The following FBLN1 variants were observed in gnomAD, a reference collection of about 807,000 sequenced individuals.
The protein encoded by FBLN1 is fibulin-1.
A neutral mutation model predicts 89.7 loss-of-function variants in FBLN1; 34 were observed. The ratio of observed to expected loss-of-function variants is 0.38; its 90% confidence interval spans 0.29 to 0.50. FBLN1 has a LOEUF of 0.50. Among genes scored for constraint, FBLN1 ranks in the 20% least tolerant of loss-of-function variants. FBLN1 has a pLI of 0.92. For missense variants in FBLN1, 777 were observed against 988.1 expected (o/e 0.79, Z 2.86); for synonymous variants, 393 against 391.3 (o/e 1.00, Z -0.05).
rs2088315046 is a variant in FBLN1, at chr22:45,525,545, T to C, written c.188T>C (p.Met63Thr). 1.3e-6 allele frequency: 2 copies of C among 1,549,028 alleles called. No homozygotes were observed. The highest frequency in any genetic ancestry group is 1.4e-5 in the African/African-American group (1 of 72,974). Reference protein sequence around the residue: ...PYATESKECRMVQEQCCHSQL... With the variant: ...PYATESKECRTVQEQCCHSQL... ...CCCAGCCCACCCCTCACCCACAGGA[T>C]GGTGCAGGAGCAGTGCTGCCACAGC... Residue 63 changes from methionine to threonine, a missense_variant and splice_region_variant, in exon 3 of 17, where the codon ATG (methionine) becomes ACG (threonine). Coordinates refer to ENST00000327858, the MANE Select transcript of FBLN1 (RefSeq NM_006486.3).
At chr22:45,565,306 T>G in intron 14 of FBLN1, 1 of 1,276,222 alleles carries the variant, frequency 7.8e-7, no homozygotes, top group Non-Finnish European at 1.0e-6. Flanking sequence ...CCTGGCCTGA[T>G]CTGGCCTCTG....
At chr22:45,524,039 C>A (rs528969687) in intron 2 of FBLN1, among the ~76,000 whole-genome samples, 11 of 152,344 alleles carry the variant, frequency 7.2e-5, no homozygotes, top group African/African-American at 2.6e-4. Flanking sequence ...TTTGCAAATC[C>A]ACCGAAAGCA....
chr22:45,510,646 G>C (rs2088086773), intron 1 of FBLN1, among the ~76,000 whole-genome samples: 1 of 152,122 alleles, frequency 6.6e-6, no homozygotes, highest in African/African-American at 2.4e-5. Context: ...CATTCTGGAA[G>C]CTTCCACCCA....
intron 13 of FBLN1, 133 bp downstream of exon 13, chr22:45,548,877 A>G: frequency 7.1e-7 from 1 of 1,408,124 alleles, no homozygotes; most frequent in Non-Finnish European, 9.7e-7. Context: ...GCATTCAGGA[A>G]AAGGAGGCCC....
Position 45,574,411 on chromosome 22 carries a change from C to G in FBLN1, c.1698-100C>G. On this transcript the variant is annotated intron_variant, in intron 14 of 16. Coordinates refer to ENST00000327858, the MANE Select transcript of FBLN1 (RefSeq NM_006486.3). This position sits in a 1 kb window ranked among gnomAD's most constrained non-coding sequence, Gnocchi z 4.1. ...ATGGAGCTGTCTCTGGGACAGATGC[C>G]CCTGCCCTGGCCACCTGCTCCTCCT... 7.6e-7 allele frequency: 1 copy of G among 1,316,116 alleles called. No individual in the cohort carries two copies. The highest frequency in any genetic ancestry group is 1.1e-6 in the Non-Finnish European group (1 of 926,436). 81.5% of individuals were successfully genotyped at this position (1,316,116 alleles called of 1,614,324 possible). A position where few individuals can be genotyped will look rare whatever the true frequency, so the allele number is the denominator to read the frequency against.
chr22:45,516,097 C>T (rs899764672), intron 1 of FBLN1, among the ~76,000 whole-genome samples: 2 of 152,054 alleles, frequency 1.3e-5, no homozygotes, highest in Admixed American at 6.5e-5. Flanking sequence ...GAGGGGCACC[C>T]GAGCTATGCA....
Position 45,574,842 on chromosome 22 carries a change from T to A in FBLN1, c.1840+189T>A, listed in dbSNP as rs551368036. ...TGTCGCCCGGGCTGGAGTGCAGTGG[T>A]GCCATCTCGGCTCACTGCAAGCTCC... On this transcript the variant is annotated intron_variant, in intron 15 of 16. Coordinates refer to ENST00000327858, the MANE Select transcript of FBLN1 (RefSeq NM_006486.3). The surrounding 1 kb of genome is among the most constrained non-coding windows in gnomAD (Gnocchi z 4.1). 6.2e-5 allele frequency among the ~76,000 whole-genome samples: 9 copies of A among 144,104 alleles called. No individual in the cohort carries two copies. The South Asian group carries it at 2.0e-3, about 32-fold the overall frequency. 94.5% of individuals were successfully genotyped at this position (144,104 alleles called of 152,430 possible). A position where few individuals can be genotyped will look rare whatever the true frequency, so the allele number is the denominator to read the frequency against.
chr22:45,525,274 C>T (rs1396561961), intron 2 of FBLN1, among the ~76,000 whole-genome samples: 1 of 152,208 alleles, frequency 6.6e-6, no homozygotes, highest in Non-Finnish European at 1.5e-5. Flanking sequence ...AGACTGGTCT[C>T]GAATTCCTGG....
rs902000113 is a variant in FBLN1 at position 45,575,733 on chromosome 22, C to G, written c.1840+1080C>G. ...ACTGCACCGTTTCTCTGGAGCAGGG[C>G]CTGGGCTGCGTGCTCCCAAGCCTGG... On this transcript the variant is annotated intron_variant, in intron 15 of 16. Coordinates refer to ENST00000327858, the MANE Select transcript of FBLN1 (RefSeq NM_006486.3). This position sits in a 1 kb window ranked among gnomAD's most constrained non-coding sequence, Gnocchi z 6.3. Among the ~76,000 whole-genome samples, 2 of 152,158 alleles carry G rather than the reference C, an allele frequency of 1.3e-5. No individual in the cohort carries two copies. The highest frequency in any genetic ancestry group is 2.4e-5 in the African/African-American group (1 of 41,432).
Position 45,550,795 on chromosome 22 carries a change from G to C in FBLN1, c.1697+180G>C. ...CCTAAATGCTAGTGACACTGGTCTC[G>C]GAAAGTCAAGGGGGTAACTGCAAAT... On this transcript the variant is annotated intron_variant, in intron 14 of 16. Coordinates refer to ENST00000327858, the MANE Select transcript of FBLN1 (RefSeq NM_006486.3). The surrounding 1 kb of genome is among the most constrained non-coding windows in gnomAD (Gnocchi z 8.4). 2 of 833,130 alleles carry C rather than the reference G, an allele frequency of 2.4e-6. No individual in the cohort carries two copies. The highest frequency in any genetic ancestry group is 4.0e-6 in the Non-Finnish European group (2 of 506,206). 51.6% of individuals were successfully genotyped at this position (833,130 alleles called of 1,614,324 possible). A position where few individuals can be genotyped will look rare whatever the true frequency, so the allele number is the denominator to read the frequency against.
rs536147086 is a variant in FBLN1 at position 45,597,229 on chromosome 22, A to T, written c.1973-3078A>T. Among the ~76,000 whole-genome samples the T allele has an allele frequency of 2.6e-5, 4 of 152,244 alleles. No individual in the cohort carries two copies. Among genetic ancestry groups the T allele is most frequent in the African/African-American group, 9.6e-5 (4 of 41,534 alleles). ...CGTTGCCCACGCTGGTCTCGAACTCATGGGCTTGTGATCTGCCCGCCTAAG... is the reference window on the plus strand; with the variant it reads ...CGTTGCCCACGCTGGTCTCGAACTCTTGGGCTTGTGATCTGCCCGCCTAAG... On this transcript the variant is annotated intron_variant, in intron 16 of 16. Coordinates refer to ENST00000327858, the MANE Select transcript of FBLN1 (RefSeq NM_006486.3). This position sits in a 1 kb window ranked among gnomAD's most constrained non-coding sequence, Gnocchi z 4.2.
chr22:45,548,518 C>T (rs911417893), intron 12 of FBLN1, 95 bp from the exon 13 acceptor site: 119 of 1,546,420 alleles, frequency 7.7e-5, no homozygotes, highest in Non-Finnish European at 9.4e-5. Context: ...GCTGCCCTCC[C>T]GGGCCCCAGT....
At position 45,545,973 on chromosome 22, in the gene FBLN1, C is replaced by T. The variant is rs114001949; in HGVS notation, c.1322-1112C>T. ...GACCAGTATGGCCAACATCGTGAAA[C>T]CCTGTGTCTACTAAAAATACAAAAA... On this transcript the variant is annotated intron_variant, in intron 11 of 16. Coordinates refer to ENST00000327858, the MANE Select transcript of FBLN1 (RefSeq NM_006486.3). This position sits in a 1 kb window ranked among gnomAD's most constrained non-coding sequence, Gnocchi z 5.9. 4.8e-3 allele frequency among the ~76,000 whole-genome samples: 734 copies of T among 152,170 alleles called. 4 individuals are homozygous for T. Among genetic ancestry groups the T allele is most frequent in the African/African-American group, 0.016 (675 of 41,502 alleles).
Position 45,530,210 on chromosome 22 carries a change from T to A in FBLN1, c.485-1055T>A, listed in dbSNP as rs1336319355. ...GCTTTTGAAATCAGAGACGACATTT[T>A]CACTTTAAACAAACCCAAACCATTC... is the stretch of plus-strand genomic sequence containing the variant. On this transcript the variant is annotated intron_variant, in intron 4 of 16. Transcript: ENST00000327858. This position sits in a 1 kb window ranked among gnomAD's most constrained non-coding sequence, Gnocchi z 5.4. Among the ~76,000 whole-genome samples, 1 of 152,054 alleles carries A rather than the reference T, an allele frequency of 6.6e-6. No individual in the cohort carries two copies. The highest frequency in any genetic ancestry group is 1.9e-4 in the East Asian group (1 of 5,180).
rs2088489028 is a variant in FBLN1 at position 45,536,858 on chromosome 22, C to G, written c.922+1521C>G. Among the ~76,000 whole-genome samples the G allele has an allele frequency of 6.6e-6, 1 of 152,156 alleles. No homozygotes were observed. Among genetic ancestry groups the G allele is most frequent in the Non-Finnish European group, 1.5e-5 (1 of 68,026 alleles). On this transcript the variant is annotated intron_variant, in intron 8 of 16. Coordinates refer to ENST00000327858, the MANE Select transcript of FBLN1 (RefSeq NM_006486.3). The surrounding 1 kb of genome is among the most constrained non-coding windows in gnomAD (Gnocchi z 5.1). ...TGAACTTAGTATGAATTTAGGAGGC[C>G]TGGGCAAGACCGCTCACGCTAGAGG...
chr22:45,589,491 T>C (rs79930833), intron 16 of FBLN1, among the ~76,000 whole-genome samples: 2,046 of 152,334 alleles, frequency 0.013, 24 homozygotes, highest in Middle Eastern at 0.034. Context: ...TCTGGGATGA[T>C]GGCCTGGAAA....
In FBLN1 at chr22:45,600,878, A is replaced by T. The variant is rs567440085; in HGVS notation, c.*432A>T. 1.8e-4 allele frequency: 53 copies of T among 289,410 alleles called. No individual in the cohort carries two copies. Among genetic ancestry groups the T allele is most frequent in the Admixed American group, 1.6e-3 (32 of 20,186 alleles). 17.9% of individuals were successfully genotyped at this position (289,410 alleles called of 1,614,324 possible). On this transcript the variant is annotated 3_prime_UTR_variant, in exon 17 of 17. Transcript: ENST00000327858. ...ATCAGATTTTCTATGTTCTAAGGAC[A>T]TGGCTGCTGTAGAATAGCACAGACG... is the stretch of plus-strand genomic sequence containing the variant.
intron 16 of FBLN1, among the ~76,000 whole-genome samples, chr22:45,595,542 A>G (rs766663894): frequency 6.6e-6 from 1 of 152,006 alleles, no homozygotes; most frequent in Non-Finnish European, 1.5e-5. Context: ...TCGTCTCACC[A>G]CGCAGCTGTT....
chr22:45,521,322 G>A (rs1040997095), intron 2 of FBLN1, among the ~76,000 whole-genome samples: 17 of 152,140 alleles, frequency 1.1e-4, no homozygotes, highest in African/African-American at 3.6e-4. Flanking sequence ...CCTGAAACAC[G>A]TGGCTCAATG....
Sources: gnomAD v4.1 joint callset for allele counts (sites outside exome capture counted in the v4.1 genomes callset) on GRCh38, gnomAD v4.1.1 for gene constraint, Gnocchi (gnomAD v3.1) non-coding constraint, MANE v1.5 for transcripts, NCBI Gene and HGNC (gene_info 2026-07-23, HGNC 2026-07-21) for gene names.